The following CACNA1G variants were observed in gnomAD, a reference collection of about 807,000 sequenced individuals.
CACNA1G encodes the protein voltage-dependent T-type calcium channel subunit alpha-1G.
Under a neutral mutation model 219.4 loss-of-function variants are expected in CACNA1G, and 67 were observed. That is an observed-to-expected ratio of 0.31 (90% CI 0.25 to 0.37). The LOEUF (loss-of-function observed/expected upper bound fraction) is 0.37, where lower values mean the gene tolerates loss of function less well. Among genes scored for constraint, CACNA1G ranks in the 10% least tolerant of loss-of-function variants. The pLI is 1.00. For synonymous variants in CACNA1G, 1,296 were observed against 1,345.3 expected (o/e 0.96, Z 0.80); for missense variants, 2,380 against 3,231.4 (o/e 0.74, Z 6.39).
chr17:50,596,998 G>A lies in CACNA1G; in HGVS notation c.3258+75G>A. 1 of 1,363,882 alleles carries A rather than the reference G, an allele frequency of 7.3e-7. No homozygotes were observed. 84.5% of individuals were successfully genotyped at this position (1,363,882 alleles called of 1,614,324 possible). On this transcript the variant is annotated intron_variant, in intron 16 of 37. Coordinates refer to ENST00000359106, the MANE Select transcript of CACNA1G (RefSeq NM_018896.5). The surrounding 1 kb of genome is among the most constrained non-coding windows in gnomAD (Gnocchi z 4.8). ...ACAGGAGGAAGAGAGGATGGAGGCA[G>A]GCGGGTCCAAGGGCACAGCCCCTGC...
rs2051976872 is a variant in CACNA1G, at chr17:50,621,385, G to GTTT, written c.5926-274_5926-272dup. Reference sequence around the variant, plus strand: ...GGCTCCTGGGGTATCTTTAGAATGCGTTTCTGTGTCTCCTCGCTTTGTCAG... The same window carrying GTTT: ...GGCTCCTGGGGTATCTTTAGAATGCGTTTTTTCTGTGTCTCCTCGCTTTGTCAG... On this transcript the variant is annotated intron_variant, in intron 34 of 37. Transcript: ENST00000359106. The surrounding 1 kb of genome is among the most constrained non-coding windows in gnomAD (Gnocchi z 4.6). Among the ~76,000 whole-genome samples the GTTT allele has an allele frequency of 6.6e-6, 1 of 152,056 alleles. No individual in the cohort carries two copies. The highest frequency in any genetic ancestry group is 1.5e-5 in the Non-Finnish European group (1 of 68,006).
At chr17:50,564,163 T>TGTG (rs1249645068) in intron 1 of CACNA1G, among the ~76,000 whole-genome samples, 1 of 141,638 alleles carries the variant, frequency 7.1e-6, no homozygotes, top group Non-Finnish European at 1.6e-5. Flanking sequence ...TGTGTGTGTG[T>TGTG]TGCAAGGGAG....
chr17:50,578,924 G>T lies in CACNA1G; in HGVS notation c.2301+360G>T, dbSNP rs1214002360. The stretch of plus-strand genomic sequence containing the variant: ...CTTTGGAGAAGGTGTAGTGCGGAGG[G>T]CGGGTGTTGGAGGTCCTGTGGCATC... On this transcript the variant is annotated intron_variant, in intron 9 of 37. Coordinates refer to ENST00000359106, the MANE Select transcript of CACNA1G (RefSeq NM_018896.5). This position sits in a 1 kb window ranked among gnomAD's most constrained non-coding sequence, Gnocchi z 4.5. 1.3e-5 allele frequency among the ~76,000 whole-genome samples: 2 copies of T among 152,168 alleles called. No individual in the cohort carries two copies. The highest frequency in any genetic ancestry group is 4.8e-5 in the African/African-American group (2 of 41,434).
intron 22 of CACNA1G, among the ~76,000 whole-genome samples, chr17:50,605,077 G>A (rs770572443): frequency 6.6e-6 from 1 of 152,086 alleles, no homozygotes; most frequent in Non-Finnish European, 1.5e-5. Context: ...GCTGTGTGGT[G>A]CCTCTCTGTA....
Position 50,571,486 on chromosome 17 carries a change from C to T in CACNA1G, c.587-392C>T, listed in dbSNP as rs752150744. ...GGATTCGGAAGCCAAAGCCTGGGTTCGAGTTCCGGCACCTACACTTAGCAG... is the reference window on the plus strand; with the variant it reads ...GGATTCGGAAGCCAAAGCCTGGGTTTGAGTTCCGGCACCTACACTTAGCAG... On this transcript the variant is annotated intron_variant, in intron 4 of 37. Transcript: ENST00000359106. This position sits in a 1 kb window ranked among gnomAD's most constrained non-coding sequence, Gnocchi z 4.3. Among the ~76,000 whole-genome samples, 6 of 152,078 alleles carry T rather than the reference C, an allele frequency of 3.9e-5. No homozygotes were observed. The highest frequency in any genetic ancestry group is 6.6e-5 in the Admixed American group (1 of 15,256).
At chr17:50,569,626 A>G in intron 3 of CACNA1G, 80 bp from the exon 4 acceptor site, 1 of 976,204 alleles carries the variant, frequency 1.0e-6, no homozygotes, top group Non-Finnish European at 1.6e-6. Context: ...CTGCCCCTAA[A>G]GCAGGATTCC....
intron 26 of CACNA1G, among the ~76,000 whole-genome samples, chr17:50,612,561 A>G (rs373630132): frequency 6.6e-5 from 10 of 152,322 alleles, no homozygotes; most frequent in African/African-American, 2.4e-4. Flanking sequence ...CGGCAGCTGA[A>G]GGTGTGGCCT....
chr17:50,597,089 A>C (rs2045724988), intron 16 of CACNA1G, among the ~76,000 whole-genome samples, 166 bp downstream of exon 16: 1 of 152,102 alleles, frequency 6.6e-6, no homozygotes, highest in Admixed American at 6.5e-5. Flanking sequence ...CCGGTGATGC[A>C]AACCAGGGTA....
At position 50,599,443 on chromosome 17, in the gene CACNA1G, T is replaced by C; in HGVS notation, c.3274T>C (p.Ser1092Pro). 6.4e-7 allele frequency: 1 copy of C among 1,556,248 alleles called. No homozygotes were observed. Among genetic ancestry groups the C allele is most frequent in the Middle Eastern group, 2.2e-4 (1 of 4,478 alleles). The change falls in exon 17 of 38, where the codon TCT (serine) becomes CCT (proline). Residue 1092 changes from serine (S) to proline (P), a missense_variant. Transcript: ENST00000359106. Reference protein sequence around the residue: ...EMKSPPSARSSPHSPWSAASS... With the variant: ...EMKSPPSARSPPHSPWSAASS... ...TCACCCACAGCCCAGCGCCCGCAGC[T>C]CTCCGCACAGCCCCTGGAGCGCTGC...
At chr17:50,604,327 G>T in intron 22 of CACNA1G, 46 bp downstream of exon 22, 1 of 1,601,428 alleles carries the variant, frequency 6.2e-7, no homozygotes, top group Non-Finnish European at 8.5e-7. Context: ...GCCTGAAGAG[G>T]GCCCTTCCCC....
In CACNA1G at chr17:50,591,638, C is replaced by T. The variant is rs573737149; in HGVS notation, c.2639+18C>T. 15 of 1,611,842 alleles carry T rather than the reference C, an allele frequency of 9.3e-6. No individual in the cohort carries two copies. In the African/African-American group the frequency reaches 1.1e-4, roughly 11 times the overall value. On this transcript the variant is annotated intron_variant, in intron 11 of 37. Coordinates refer to ENST00000359106, the MANE Select transcript of CACNA1G (RefSeq NM_018896.5). The stretch of plus-strand genomic sequence containing the variant: ...ATCTTCAGGTGAGGGCGGCATGGCA[C>T]CTTGCCGGCTGAGAGACCGGCCAGG...
At chr17:50,619,506 TTC>T (rs1173210075) in intron 33 of CACNA1G, among the ~76,000 whole-genome samples, 175 bp from the exon 34 acceptor site, 5 of 137,580 alleles carry the variant, frequency 3.6e-5, no homozygotes, top group African/African-American at 1.4e-4. Context: ...CCTCCTCTTT[TTC>T]TCTTTGTTGC....
Position 50,580,887 on chromosome 17 carries a change from C to T in CACNA1G, c.2301+2323C>T, listed in dbSNP as rs553580100. 8.5e-5 allele frequency among the ~76,000 whole-genome samples: 13 copies of T among 152,230 alleles called. No homozygotes were observed. The East Asian group carries it at 2.1e-3, about 25-fold the overall frequency. ...GGCCCTGTGCTTGCAGGCACTGCGG[C>T]GTGAACGTCCCGCCATCTGGGCCCT... On this transcript the variant is annotated intron_variant, in intron 9 of 37. Coordinates refer to ENST00000359106, the MANE Select transcript of CACNA1G (RefSeq NM_018896.5).
In CACNA1G at chr17:50,626,959, G is replaced by C; in HGVS notation, c.*208G>C. ...CCGGCAACTCTGGCTCCAGGCAGAA[G>C]GAGAGGCCCGGTGCAGCTGAGGTTC... On this transcript the variant is annotated 3_prime_UTR_variant, in exon 38 of 38. Transcript: ENST00000359106. The surrounding 1 kb of genome is among the most constrained non-coding windows in gnomAD (Gnocchi z 4.3). 1.4e-6 allele frequency: 1 copy of C among 709,516 alleles called. No homozygotes were observed. The allele number at this position is 709,516 out of a possible 1,614,324, so 44.0% of individuals were successfully genotyped here. A position where few individuals can be genotyped will look rare whatever the true frequency, so the allele number is the denominator to read the frequency against.
chr17:50,569,406 C>A, intron 3 of CACNA1G, 108 bp downstream of exon 3: 2 of 1,202,138 alleles, frequency 1.7e-6, no homozygotes, highest in South Asian at 1.3e-5. Flanking sequence ...TACAGCACCA[C>A]TTTCTCCCTG....
chr17:50,588,010 T>C (rs1841863584), intron 9 of CACNA1G, among the ~76,000 whole-genome samples: 1 of 152,082 alleles, frequency 6.6e-6, no homozygotes, highest in Non-Finnish European at 1.5e-5. Context: ...ATTGAGTAAA[T>C]ACATGACATC....
At chr17:50,594,402 C>T (rs913875940) in intron 13 of CACNA1G, among the ~76,000 whole-genome samples, 2 of 152,186 alleles carry the variant, frequency 1.3e-5, no homozygotes, top group Admixed American at 6.5e-5. Context: ...GAGCATGAGA[C>T]GTTATGAGGC....
At position 50,599,807 on chromosome 17, in the gene CACNA1G, G is replaced by A. The variant is rs372056738; in HGVS notation, c.3638G>A (p.Arg1213Gln). The A allele has an allele frequency of 6.6e-5, 107 of 1,611,878 alleles. 1 individual carries two copies. The South Asian group carries it at 9.7e-4, about 15-fold the overall frequency. Reference sequence around the variant, plus strand: ...TCAGGGCGCCTGGCCCGGGCCCTGCGGCCTGATGACCCCCCACTGGATGGG... The same window carrying A: ...TCAGGGCGCCTGGCCCGGGCCCTGCAGCCTGATGACCCCCCACTGGATGGG... ...SASGRLARAL[R>Q]PDDPPLDGDD... Residue 1213 changes from arginine (R) to glutamine (Q), a missense_variant, in exon 17 of 38, where the codon CGG becomes CAG. Physicochemically the swap from Arg to Gln is conservative, Grantham distance 43. Coordinates refer to ENST00000359106, the MANE Select transcript of CACNA1G (RefSeq NM_018896.5).
intron 1 of CACNA1G, among the ~76,000 whole-genome samples, chr17:50,564,281 G>A (rs1364929591): frequency 1.3e-5 from 2 of 151,918 alleles, no homozygotes; most frequent in Admixed American, 1.3e-4. Flanking sequence ...TTTCCAGTAT[G>A]TGTTCCTGCA....
Sources: allele counts gnomAD v4.1 joint callset (sites outside exome capture counted in the v4.1 genomes callset), GRCh38; gene constraint gnomAD v4.1.1; non-coding constraint Gnocchi (gnomAD v3.1); transcripts MANE v1.5; gene names NCBI Gene and HGNC (gene_info 2026-07-23, HGNC 2026-07-21).